Variants in ENKUR observed in about 807,000 individuals in gnomAD.
ENKUR encodes enkurin, TRPC channel interacting protein.
ENKUR carries 19 observed loss-of-function variants against 27.6 expected under a neutral mutation model. The observed-to-expected ratio is 0.69, with a 90% CI of 0.48 to 1.01. The LOEUF is 1.01. Among genes scored for constraint, ENKUR ranks in the 50% least tolerant of loss-of-function variants. The pLI, the probability that ENKUR is intolerant of heterozygous loss-of-function variation, is 0.00. For missense variants in ENKUR, 312 were observed against 310.5 expected (o/e 1.00, Z -0.04); for synonymous variants, 117 against 96.9 (o/e 1.21, Z -1.22).
At chr10:25,044,015 G>T (rs996968199) in intron 2 of ENKUR, among the ~76,000 whole-genome samples, 3 of 141,102 alleles carry the variant, frequency 2.1e-5, no homozygotes, top group African/African-American at 8.5e-5. Flanking sequence ...ATTTATTAGA[G>T]TTATTTTAAA....
rs986404028 is a variant in ENKUR, at chr10:24,982,848, A to C, written c.*1522T>G. The C allele has an allele frequency of 1.3e-5, 2 of 152,226 alleles. No homozygotes were observed. Among genetic ancestry groups the C allele is most frequent in the East Asian group, 3.8e-4 (2 of 5,202 alleles). The allele number at this position is 152,226 out of a possible 1,614,324, so 9.4% of individuals were successfully genotyped here. ...GAAAAGTCTAGATTCTTTAGTAGAC[A>C]TTTACAGAAAGCAAAAGAATTAGCT... On this transcript the variant is annotated 3_prime_UTR_variant, in exon 6 of 6. Transcript: ENST00000331161.
chr10:25,034,283 G>T (rs1329723572), intron 2 of ENKUR, among the ~76,000 whole-genome samples: 1 of 152,034 alleles, frequency 6.6e-6, no homozygotes, highest in East Asian at 1.9e-4. Flanking sequence ...CAAACACATG[G>T]TATTACCTTT....
chr10:24,991,772 C>G (rs879354675), intron 3 of ENKUR, among the ~76,000 whole-genome samples: 2 of 152,218 alleles, frequency 1.3e-5, no homozygotes, highest in Admixed American at 6.5e-5. Context: ...CCTTTGGAAG[C>G]CCTCTGTCCT....
chr10:25,038,487 C>T (rs1228054730), intron 2 of ENKUR, among the ~76,000 whole-genome samples: 1 of 152,198 alleles, frequency 6.6e-6, no homozygotes, highest in African/African-American at 2.4e-5. Flanking sequence ...TCTATACAGA[C>T]ATCTGTTTAT....
At chr10:25,007,129 G>C (rs981395544) in intron 1 of ENKUR, among the ~76,000 whole-genome samples, 1 of 152,106 alleles carries the variant, frequency 6.6e-6, no homozygotes, top group African/African-American at 2.4e-5. Context: ...GAGTCATCAT[G>C]TCTAGACAGT....
At chr10:25,024,659 AG>A (rs1477503713) in intron 2 of ENKUR, 1 of 1,614,128 alleles carries the variant, frequency 6.2e-7, no homozygotes, top group Non-Finnish European at 8.5e-7. Flanking sequence ...CTACTTCCGC[AG>A]GTAGTTTATC....
chr10:25,018,766 A>G (rs960604230), upstream of ENKUR, among the ~76,000 whole-genome samples: 7 of 151,388 alleles, frequency 4.6e-5, no homozygotes, highest in African/African-American at 1.7e-4. Context: ...AACCCTTTAT[A>G]AAGACAGGTT....
intron 1 of ENKUR, chr10:25,062,083 C>T (rs980645950): frequency 6.6e-6 from 1 of 152,204 alleles, no homozygotes; most frequent in South Asian, 2.1e-4. Context: ...CTCGACATTT[C>T]TAACAGCTTG....
intron 1 of ENKUR, among the ~76,000 whole-genome samples, chr10:25,010,124 G>A (rs1282579544): frequency 1.3e-5 from 2 of 152,216 alleles, no homozygotes; most frequent in Non-Finnish European, 2.9e-5. Context: ...GCTTCCTAGA[G>A]ACTTGTTGAA....
chr10:25,007,720 G>A (rs1021153569), intron 1 of ENKUR, among the ~76,000 whole-genome samples: 2 of 151,974 alleles, frequency 1.3e-5, no homozygotes, highest in Non-Finnish European at 2.9e-5. Flanking sequence ...AGGCTTGAGC[G>A]ACTGCGCCCA....
chr10:24,993,104 G>A (rs962215122), intron 3 of ENKUR, among the ~76,000 whole-genome samples: 1 of 152,076 alleles, frequency 6.6e-6, no homozygotes, highest in Non-Finnish European at 1.5e-5. Flanking sequence ...GACCAGCCTG[G>A]GCAACATAGT....
chr10:24,991,412 G>C (rs1173189111), intron 3 of ENKUR, among the ~76,000 whole-genome samples: 1 of 151,870 alleles, frequency 6.6e-6, no homozygotes, highest in Non-Finnish European at 1.5e-5. Flanking sequence ...AACCCCCCGA[G>C]ACCCTAGCAG....
chr10:25,060,893 T>C (rs1302397043), intron 2 of ENKUR, among the ~76,000 whole-genome samples: 1 of 152,088 alleles, frequency 6.6e-6, no homozygotes, highest in Non-Finnish European at 1.5e-5. Context: ...GTTTTTTTTT[T>C]TTTAGAGACA....
At chr10:25,024,659 A>C (rs780906051) in intron 2 of ENKUR, 10 of 1,614,130 alleles carry the variant, frequency 6.2e-6, no homozygotes, top group Non-Finnish European at 7.6e-6. Flanking sequence ...CTACTTCCGC[A>C]GGTAGTTTAT....
intron 2 of ENKUR, among the ~76,000 whole-genome samples, chr10:25,042,470 T>A (rs978576591): frequency 2.0e-5 from 3 of 152,004 alleles, no homozygotes; most frequent in South Asian, 4.1e-4. Context: ...AAATTTTGTA[T>A]TTTTAGGAGA....
chr10:25,055,547 A>C (rs1391398036), intron 2 of ENKUR, among the ~76,000 whole-genome samples: 1 of 49,342 alleles, frequency 2.0e-5, no homozygotes, highest in Non-Finnish European at 3.5e-5. Context: ...CAAATTGGCA[A>C]AAAAAAAAAA....
At chr10:25,054,449 T>C (rs1335556599) in intron 2 of ENKUR, among the ~76,000 whole-genome samples, 1 of 146,526 alleles carries the variant, frequency 6.8e-6, no homozygotes, top group Non-Finnish European at 1.5e-5. Flanking sequence ...AGAATGGTGT[T>C]TTTTCTCTTT....
chr10:25,027,961 T>C (rs1384782029), intron 2 of ENKUR, among the ~76,000 whole-genome samples: 1 of 152,170 alleles, frequency 6.6e-6, no homozygotes, highest in African/African-American at 2.4e-5. Context: ...AGATGGTGTG[T>C]CAATAAGTGA....
Position 24,995,704 on chromosome 10 carries a change from G to A in ENKUR, c.389C>T (p.Thr130Ile). The change falls in exon 3 of 6, where the codon ACT becomes ATT. Residue 130 changes from threonine (T) to isoleucine (I), a missense_variant. Transcript: ENST00000331161. ...AGGCTCAAGATCATGCTTGTCTCCA[G>A]TTCTTTTATCAACATAAATTGGTTT... ...KPKPIYVDKR[T>I]GDKHDLEPSG... is the part of the protein sequence containing the mutation. 1 of 1,613,962 alleles carries A rather than the reference G, an allele frequency of 6.2e-7. No homozygotes were observed. The highest frequency in any genetic ancestry group is 2.2e-5 in the East Asian group (1 of 44,852).
Sources: gnomAD v4.1 joint callset for allele counts (sites outside exome capture counted in the v4.1 genomes callset) on GRCh38, gnomAD v4.1.1 for gene constraint, MANE v1.5 for transcripts, NCBI Gene and HGNC (gene_info 2026-07-23, HGNC 2026-07-21) for gene names.